Variants in IGSF21 observed in about 807,000 individuals in gnomAD.
IGSF21 encodes the protein immunoglobulin superfamily member 21.
In IGSF21, 28 loss-of-function variants were observed where a neutral mutation model predicts 46.8. That is an observed-to-expected ratio of 0.60 (90% CI 0.44 to 0.82). The LOEUF (loss-of-function observed/expected upper bound fraction) is 0.82. Ranked by LOEUF, IGSF21 falls within the 40% of genes least tolerant of loss-of-function variation. IGSF21 has a pLI of 0.00. For missense variants in IGSF21, 624 were observed against 665.5 expected (o/e 0.94, Z 0.69); for synonymous variants, 284 against 273.6 (o/e 1.04, Z -0.38).
intron 1 of IGSF21, among the ~76,000 whole-genome samples, chr1:18,195,063 C>G (rs1338966886): frequency 6.6e-6 from 1 of 152,184 alleles, no homozygotes. Context: ...CCCCATGATT[C>G]AATGATCTCC....
intron 1 of IGSF21, among the ~76,000 whole-genome samples, chr1:18,190,758 G>A (rs984955853): frequency 3.3e-5 from 5 of 152,142 alleles, no homozygotes; most frequent in East Asian, 1.9e-4. Context: ...AGCTGTTATC[G>A]GGGATTTGTG....
intron 1 of IGSF21, among the ~76,000 whole-genome samples, chr1:18,118,134 G>GTT (rs895390255): frequency 6.6e-6 from 1 of 151,706 alleles, no homozygotes; most frequent in Non-Finnish European, 1.5e-5. Context: ...AGCCTTTGGG[G>GTT]TTTTTTTTTG....
At position 18,322,850 on chromosome 1, in the gene IGSF21, G is replaced by A. The variant is rs969695592; in HGVS notation, c.306-12042G>A. Among the ~76,000 whole-genome samples, 2 of 152,210 alleles carry A rather than the reference G, an allele frequency of 1.3e-5. No homozygotes were observed. The highest frequency in any genetic ancestry group is 2.4e-5 in the African/African-American group (1 of 41,452). On this transcript the variant is annotated intron_variant, in intron 3 of 9. Transcript: ENST00000251296. The surrounding 1 kb of genome is among the most constrained non-coding windows in gnomAD (Gnocchi z 4.3). ...GGAAAAGAGGCCTGGAGAGGAAGCCGGTGGAGAAGAGCGGGAGATGTCGGA... is the reference window on the plus strand; with the variant it reads ...GGAAAAGAGGCCTGGAGAGGAAGCCAGTGGAGAAGAGCGGGAGATGTCGGA...
chr1:18,181,875 G>GACACTAGATA (rs2086860812), intron 1 of IGSF21, among the ~76,000 whole-genome samples: 2 of 152,172 alleles, frequency 1.3e-5, no homozygotes, highest in South Asian at 4.1e-4. Context: ...AAGACACTGA[G>GACACTAGATA]AGGGACGGCG....
At chr1:18,350,839 C>G (rs1046104354) in intron 4 of IGSF21, among the ~76,000 whole-genome samples, 5 of 152,134 alleles carry the variant, frequency 3.3e-5, no homozygotes, top group African/African-American at 1.2e-4. Flanking sequence ...CAGAGCCCCC[C>G]GGGAAATCTC....
intron 1 of IGSF21, among the ~76,000 whole-genome samples, chr1:18,149,405 G>A (rs911987328): frequency 7.9e-5 from 12 of 152,192 alleles, no homozygotes; most frequent in Admixed American, 7.2e-4. Context: ...ATCCCGGCAC[G>A]GTTCAGAGGC....
chr1:18,242,573 T>C (rs553032948), intron 2 of IGSF21, among the ~76,000 whole-genome samples: 1 of 152,242 alleles, frequency 6.6e-6, no homozygotes, highest in Non-Finnish European at 1.5e-5. Context: ...GTCATTTCAA[T>C]TGGCACATTA....
At chr1:18,226,235 C>T (rs573409147) in intron 1 of IGSF21, among the ~76,000 whole-genome samples, 4 of 152,272 alleles carry the variant, frequency 2.6e-5, no homozygotes, top group South Asian at 2.1e-4. Context: ...CACAGGCCCC[C>T]GTCCGCCTAC....
rs184479851 is a variant in IGSF21 at position 18,349,298 on chromosome 1, A to G, written c.425-12817A>G. Reference sequence around the variant, plus strand: ...GTGTTGGCCCTCAAGGAGTCCATGAATGATGGGTGAGAGAGAGAAGGGCAC... The same window carrying G: ...GTGTTGGCCCTCAAGGAGTCCATGAGTGATGGGTGAGAGAGAGAAGGGCAC... On this transcript the variant is annotated intron_variant, in intron 4 of 9. Transcript: ENST00000251296. Among the ~76,000 whole-genome samples the G allele has an allele frequency of 2.1e-3, 314 of 152,258 alleles. 1 individual carries two copies. Among genetic ancestry groups the G allele is most frequent in the Middle Eastern group, 3.4e-3 (1 of 294 alleles).
At chr1:18,130,695 C>T (rs1360470415) in intron 1 of IGSF21, among the ~76,000 whole-genome samples, 1 of 152,216 alleles carries the variant, frequency 6.6e-6, no homozygotes, top group East Asian at 1.9e-4. Context: ...GAGCTCAGAA[C>T]TCTTCATTAC....
At chr1:18,303,177 G>A (rs1441231849) in intron 3 of IGSF21, among the ~76,000 whole-genome samples, 3 of 152,186 alleles carry the variant, frequency 2.0e-5, no homozygotes, top group Non-Finnish European at 2.9e-5. Context: ...TCTCAGGAAA[G>A]GCTCGTTAAA....
intron 1 of IGSF21, among the ~76,000 whole-genome samples, chr1:18,211,596 C>G (rs1440941276): frequency 6.6e-6 from 1 of 152,140 alleles, no homozygotes; most frequent in Admixed American, 6.5e-5. Flanking sequence ...GCAATTAATT[C>G]GTATGTGCTA....
chr1:18,276,870 G>A (rs2085107448), intron 2 of IGSF21, among the ~76,000 whole-genome samples: 2 of 152,190 alleles, frequency 1.3e-5, no homozygotes, highest in African/African-American at 4.8e-5. Flanking sequence ...TGGACTAACA[G>A]GTGCATGGGA....
intron 2 of IGSF21, among the ~76,000 whole-genome samples, chr1:18,279,382 G>C (rs1466141678): frequency 6.6e-6 from 1 of 152,224 alleles, no homozygotes; most frequent in Non-Finnish European, 1.5e-5. Flanking sequence ...TGGGGACACA[G>C]TAACTCTTTG....
chr1:18,302,321 C>T (rs1329621237), intron 3 of IGSF21, among the ~76,000 whole-genome samples: 1 of 152,142 alleles, frequency 6.6e-6, no homozygotes, highest in African/African-American at 2.4e-5. Context: ...TGTCCACTCG[C>T]ATGTCTACTG....
chr1:18,118,294 C>T (rs1557544533), intron 1 of IGSF21, among the ~76,000 whole-genome samples: 1 of 152,224 alleles, frequency 6.6e-6, no homozygotes, highest in Non-Finnish European at 1.5e-5. Flanking sequence ...CTAACGCCGC[C>T]CCAAAGGAAG....
At chr1:18,186,818 T>C (rs1169242546) in intron 1 of IGSF21, among the ~76,000 whole-genome samples, 1 of 152,204 alleles carries the variant, frequency 6.6e-6, no homozygotes, top group East Asian at 1.9e-4. Flanking sequence ...ATGATCTCCC[T>C]GCCCTCACCT....
At chr1:18,268,588 C>A (rs1003326744) in intron 2 of IGSF21, among the ~76,000 whole-genome samples, 2 of 152,216 alleles carry the variant, frequency 1.3e-5, no homozygotes, top group African/African-American at 4.8e-5. Context: ...CGCGGTGAAA[C>A]CTGCAGCTGT....
At chr1:18,254,986 GGGTTAGTT>G (rs1339149935) in intron 2 of IGSF21, among the ~76,000 whole-genome samples, 2 of 152,182 alleles carry the variant, frequency 1.3e-5, no homozygotes, top group Non-Finnish European at 2.9e-5. Flanking sequence ...GAGAATGAAG[GGGTTAGTT>G]CACACAGCCT....
Sources: gnomAD v4.1 joint callset for allele counts (sites outside exome capture counted in the v4.1 genomes callset) on GRCh38, gnomAD v4.1.1 for gene constraint, Gnocchi (gnomAD v3.1) non-coding constraint, MANE v1.5 for transcripts, NCBI Gene and HGNC (gene_info 2026-07-23, HGNC 2026-07-21) for gene names.